The following NFAT5 variants were observed in gnomAD, a reference collection of about 807,000 sequenced individuals.
NFAT5 encodes the protein nuclear factor of activated T cells 5, also known as nuclear factor of activated T-cells 5.
A neutral mutation model predicts 166.5 loss-of-function variants in NFAT5; 31 were observed. The ratio of observed to expected loss-of-function variants is 0.19; its 90% CI spans 0.14 to 0.25. NFAT5 has a LOEUF of 0.25. Ranked by LOEUF, NFAT5 falls within the 10% of genes least tolerant of loss-of-function variation. NFAT5 has a pLI of 1.00. For missense variants in NFAT5, 1,449 were observed against 1,821.8 expected, an observed-to-expected ratio of 0.80 and a Z score of 3.72; for synonymous variants, 612 against 639.7, an observed-to-expected ratio of 0.96 and a Z score of 0.65.
intron 3 of NFAT5, among the ~76,000 whole-genome samples, chr16:69,629,769 T>TA (rs71151123): frequency 9.6e-5 from 2 of 20,868 alleles, no homozygotes; most frequent in Admixed American, 1.9e-3. Context: ...ACTGGGCTAA[T>TA]TTTTTTTTTT....
intron 2 of NFAT5, among the ~76,000 whole-genome samples, chr16:69,590,418 C>T (rs750321365): frequency 5.3e-5 from 8 of 152,058 alleles, no homozygotes; most frequent in African/African-American, 1.7e-4. Context: ...GGATTTTTTG[C>T]GTAAATGTGA....
intron 9 of NFAT5, among the ~76,000 whole-genome samples, chr16:69,670,820 T>C (rs1025541249): frequency 1.4e-4 from 21 of 152,074 alleles, no homozygotes; most frequent in Non-Finnish European, 1.3e-4. Flanking sequence ...CCCCTAGAAA[T>C]TGAGACTAAC....
chr16:69,584,253 A>C (rs2031891309), intron 2 of NFAT5, among the ~76,000 whole-genome samples: 2 of 151,860 alleles, frequency 1.3e-5, no homozygotes, highest in Admixed American at 1.3e-4. Context: ...AATTGGAACT[A>C]TTTAATCTGT....
intron 4 of NFAT5, among the ~76,000 whole-genome samples, chr16:69,652,347 G>A (rs1025633594): frequency 6.6e-6 from 1 of 151,894 alleles, no homozygotes; most frequent in African/African-American, 2.4e-5. Context: ...AGCTACTTGG[G>A]AGGCTGAGGC....
At chr16:69,695,673 C>G (rs1256036180) in intron 14 of NFAT5, 1 of 184,990 alleles carries the variant, frequency 5.4e-6, no homozygotes, top group Non-Finnish European at 1.1e-5. Context: ...GAAACCCCGT[C>G]TCTACTAAAA....
At position 69,670,329 on chromosome 16, in the gene NFAT5, C is replaced by G. The variant is rs565044879; in HGVS notation, c.1557+41C>G. On this transcript the variant is annotated intron_variant, in intron 9 of 14. Transcript: ENST00000349945. ...TTTTTATAATTTGGTTATTTACTCTCTGAGCAATTCAGTTTTGTTTTGAAA... is the reference window on the plus strand; with the variant it reads ...TTTTTATAATTTGGTTATTTACTCTGTGAGCAATTCAGTTTTGTTTTGAAA... The G allele has an allele frequency of 3.3e-5, 41 of 1,245,682 alleles. No individual in the cohort carries two copies. In the Admixed American group the frequency reaches 4.2e-4, roughly 13 times the overall value. The allele number at this position is 1,245,682 out of a possible 1,614,324, so 77.2% of individuals were successfully genotyped here.
chr16:69,631,330 C>G (rs762130583), intron 3 of NFAT5, among the ~76,000 whole-genome samples: 8 of 152,016 alleles, frequency 5.3e-5, no homozygotes, highest in Non-Finnish European at 8.8e-5. Flanking sequence ...ACTTGGGAGG[C>G]TGAAGCAGGA....
In NFAT5 at chr16:69,626,529, G is replaced by GTATGC. The variant is rs2034468586; in HGVS notation, c.253+2_253+6dup. The GTATGC allele has an allele frequency of 6.5e-7, 1 of 1,545,884 alleles. No individual in the cohort carries two copies. Among genetic ancestry groups the GTATGC allele is most frequent in the Non-Finnish European group, 8.7e-7 (1 of 1,150,940 alleles). ...CCTCCTCCAGCTGTTGTTGCTGCTG[G>GTATGC]TATGCATTTCATTTTACTTTATTAA... On this transcript the variant is annotated splice_donor_variant, in intron 3 of 14. Coordinates refer to ENST00000349945, the MANE Select transcript of NFAT5 (RefSeq NM_138713.4). LOFTEE classifies it high-confidence loss of function.
rs2035681998 is a variant in NFAT5 at position 69,651,839 on chromosome 16, T to A, written c.813-1397T>A. 6.6e-5 allele frequency among the ~76,000 whole-genome samples: 10 copies of A among 151,884 alleles called. 1 individual carries two copies. The South Asian group carries it at 2.1e-3, about 32-fold the overall frequency. Reference sequence around the variant, plus strand: ...GTGCCTGCCACCACTCCTGGCTAATTTTTTGTAGTTTTAGTAGAGACGGGG... The same window carrying A: ...GTGCCTGCCACCACTCCTGGCTAATATTTTGTAGTTTTAGTAGAGACGGGG... On this transcript the variant is annotated intron_variant, in intron 4 of 14. Transcript: ENST00000349945.
chr16:69,679,866 G>A (rs953999706), intron 10 of NFAT5, among the ~76,000 whole-genome samples: 4 of 152,032 alleles, frequency 2.6e-5, no homozygotes, highest in Non-Finnish European at 5.9e-5. Context: ...TGTAATCCCC[G>A]CCAGCACTTC....
intron 10 of NFAT5, 96 bp downstream of exon 10, chr16:69,677,431 GCTCA>G: frequency 9.7e-7 from 1 of 1,030,946 alleles, no homozygotes; most frequent in Non-Finnish European, 1.4e-6. Context: ...AAAGAAAGTT[GCTCA>G]CTAAGATGAA....
At chr16:69,689,646 C>G (rs915939321) in intron 11 of NFAT5, among the ~76,000 whole-genome samples, 1 of 152,196 alleles carries the variant, frequency 6.6e-6, no homozygotes, top group Non-Finnish European at 1.5e-5. Context: ...TGGATTCAAG[C>G]AATTCTTGTG....
In NFAT5 at chr16:69,626,491, T is replaced by C; in HGVS notation, c.216T>C (p.Gly72=). The C allele has an allele frequency of 6.3e-7, 1 of 1,584,756 alleles. No homozygotes were observed. Among genetic ancestry groups the C allele is most frequent in the East Asian group, 2.3e-5 (1 of 43,154 alleles). The stretch of plus-strand genomic sequence containing the variant: ...CATCAATGAGTCAGACAAGCGGTGG[T>C]GAGGCAGGCTCGCCTCCTCCAGCTG... ...SVASMSQTSG[G]EAGSPPPAVV... is the part of the protein sequence containing the mutation. The change falls in exon 3 of 15, where the codon GGT becomes GGC. Residue 72 remains glycine, a synonymous_variant. Transcript: ENST00000349945.
At chr16:69,633,062 A>G (rs951769671) in intron 3 of NFAT5, among the ~76,000 whole-genome samples, 4 of 152,238 alleles carry the variant, frequency 2.6e-5, no homozygotes, top group Non-Finnish European at 5.9e-5. Flanking sequence ...ACTTGGGCCT[A>G]TAGCCATTAA....
intron 2 of NFAT5, among the ~76,000 whole-genome samples, chr16:69,598,658 GAAAAT>G (rs1273328358): frequency 2.0e-5 from 3 of 152,060 alleles, no homozygotes; most frequent in Non-Finnish European, 4.4e-5. Flanking sequence ...AAAAAGTAAA[GAAAAT>G]AAAGTCCTTT....
chr16:69,606,347 G>T (rs2033409056), intron 2 of NFAT5, among the ~76,000 whole-genome samples: 1 of 152,218 alleles, frequency 6.6e-6, no homozygotes, highest in South Asian at 2.1e-4. Flanking sequence ...TAGGTAACTT[G>T]AGAGTACACT....
intron 2 of NFAT5, among the ~76,000 whole-genome samples, chr16:69,585,077 A>C (rs2031958048): frequency 6.6e-6 from 1 of 151,992 alleles, no homozygotes; most frequent in African/African-American, 2.4e-5. Context: ...AGTTCACTGC[A>C]ACCTCTGCCT....
chr16:69,701,589 C>G lies in NFAT5; in HGVS notation c.*5238C>G, dbSNP rs1410955102. ...AAGATTACAGAATTAGACTGTTCAG[C>G]CTTTATATAAACTAAATTTGTCTTC... On this transcript the variant is annotated 3_prime_UTR_variant, in exon 15 of 15. Transcript: ENST00000349945. 2.0e-5 allele frequency: 3 copies of G among 152,456 alleles called. No homozygotes were observed. Among genetic ancestry groups the G allele is most frequent in the Non-Finnish European group, 4.4e-5 (3 of 68,022 alleles). 9.4% of individuals were successfully genotyped at this position (152,456 alleles called of 1,614,324 possible).
chr16:69,611,418 G>A (rs2033698267), intron 2 of NFAT5, among the ~76,000 whole-genome samples: 1 of 152,202 alleles, frequency 6.6e-6, no homozygotes, highest in Non-Finnish European at 1.5e-5. Flanking sequence ...TGTGAGTTTA[G>A]TAAGGGTAGA....
Sources: gnomAD v4.1 joint callset for allele counts (sites outside exome capture counted in the v4.1 genomes callset) on GRCh38, gnomAD v4.1.1 for gene constraint, MANE v1.5 for transcripts, NCBI Gene and HGNC (gene_info 2026-07-23, HGNC 2026-07-21) for gene names.